Variants in ANKLE2 observed in about 807,000 individuals in gnomAD.
ANKLE2 encodes ankyrin repeat and LEM domain containing 2, also known as ankyrin repeat and LEM domain-containing protein 2.
A neutral mutation model predicts 84.2 loss-of-function variants in ANKLE2; 55 were observed. The ratio of observed to expected loss-of-function variants is 0.65; its 90% CI spans 0.53 to 0.82. The LOEUF (loss-of-function observed/expected upper bound fraction) is 0.82, where lower values mean the gene tolerates loss of function less well. Among genes scored for constraint, ANKLE2 ranks in the 40% least tolerant of loss-of-function variants. The pLI is 0.00. For missense variants in ANKLE2, 1,238 were observed against 1,201.9 expected (o/e 1.03, Z -0.44); for synonymous variants, 551 against 486.1 (o/e 1.13, Z -1.76).
intron 7 of ANKLE2, among the ~76,000 whole-genome samples, chr12:132,741,044 C>T (rs1233660809): frequency 6.6e-6 from 1 of 152,178 alleles, no homozygotes; most frequent in Middle Eastern, 3.2e-3. Flanking sequence ...GACCCTGCCT[C>T]TCCCTGAGCT....
In ANKLE2 at chr12:132,725,981, G is replaced by C. The variant is rs1219052337; in HGVS notation, c.*1261C>G. The C allele has an allele frequency of 6.6e-6, 1 of 152,078 alleles. No homozygotes were observed. Among genetic ancestry groups the C allele is most frequent in the Non-Finnish European group, 1.5e-5 (1 of 68,004 alleles). 9.4% of individuals were successfully genotyped at this position (152,078 alleles called of 1,614,324 possible). A position where few individuals can be genotyped will look rare whatever the true frequency, so the allele number is the denominator to read the frequency against. On this transcript the variant is annotated 3_prime_UTR_variant, in exon 13 of 13. Transcript: ENST00000357997. ...GAAAGAAGCCTTTTTTTAAAACAAA[G>C]TTTCAATTCAGAATTTTTACAAACA...
Position 132,729,938 on chromosome 12 carries a change from G to A in ANKLE2, c.2224C>T (p.Gln742Ter). The part of the protein sequence containing the change: ...LTVEFDKLNL[Q>*]NIGRSVSKTP... The stretch of plus-strand genomic sequence containing the variant: ...TTGGAAACGCTACGTCCTATATTTT[G>A]CAAATTCAGTTTATCAAACTCAACA... Residue 742 changes from glutamine to a stop codon, truncating the protein, a stop_gained, in exon 11 of 13, where the codon CAA becomes TAA. Transcript: ENST00000357997. LOFTEE classifies it high-confidence loss of function. 1 of 1,613,554 alleles carries A rather than the reference G, an allele frequency of 6.2e-7. No homozygotes were observed. The highest frequency in any genetic ancestry group is 8.5e-7 in the Non-Finnish European group (1 of 1,179,918).
At position 132,741,352 on chromosome 12, in the gene ANKLE2, T is replaced by C. The variant is rs2044118473; in HGVS notation, c.1420+67A>G. The C allele has an allele frequency of 2.0e-6, 3 of 1,508,006 alleles. No homozygotes were observed. The Admixed American group carries it at 5.2e-5, about 26-fold the overall frequency. The allele number at this position is 1,508,006 out of a possible 1,614,324, so 93.4% of individuals were successfully genotyped here. On this transcript the variant is annotated intron_variant, in intron 7 of 12. Coordinates refer to ENST00000357997, the MANE Select transcript of ANKLE2 (RefSeq NM_015114.3). Reference sequence around the variant, plus strand: ...CTCAGGAAAGCAAAGCTCTGCTGTGTCCCCCAACGCTCCAAGGCCCTTCCC... The same window carrying C: ...CTCAGGAAAGCAAAGCTCTGCTGTGCCCCCCAACGCTCCAAGGCCCTTCCC...
chr12:132,747,577 G>A (rs1324577950), intron 5 of ANKLE2, among the ~76,000 whole-genome samples: 1 of 152,162 alleles, frequency 6.6e-6, no homozygotes, highest in East Asian at 1.9e-4. Flanking sequence ...TCTGACAACC[G>A]TGTCCCCAGA....
At chr12:132,758,941 C>CGCTGCGG (rs2044543948) in intron 1 of ANKLE2, 1 of 67,226 alleles carries the variant, frequency 1.5e-5, no homozygotes, top group Non-Finnish European at 3.5e-5. Context: ...CAGAGTGGAT[C>CGCTGCGG]ACGCAGTGTG....
At chr12:132,749,302 C>A (rs1566031560) in intron 3 of ANKLE2, among the ~76,000 whole-genome samples, 1 of 152,062 alleles carries the variant, frequency 6.6e-6, no homozygotes, top group Non-Finnish European at 1.5e-5. Context: ...ATTACAGGCA[C>A]CTGCCACCAC....
chr12:132,746,795 G>A (rs2136154884), intron 5 of ANKLE2, among the ~76,000 whole-genome samples: 2 of 152,214 alleles, frequency 1.3e-5, no homozygotes, highest in South Asian at 4.2e-4. Flanking sequence ...GTACTGTGTG[G>A]GATTTTACAC....
At position 132,734,202 on chromosome 12, in the gene ANKLE2, G is replaced by A. The variant is rs189256296; in HGVS notation, c.1891+183C>T. ...GGAGGTTGCAGTGAGCCAAGATTGC[G>A]CCACTGCACTCCAGCTTGGGTAACA... On this transcript the variant is annotated intron_variant, in intron 10 of 12. Transcript: ENST00000357997. The A allele has an allele frequency of 6.3e-4, 417 of 664,848 alleles. 1 individual carries two copies. In the African/African-American group the frequency reaches 6.8e-3, roughly 11 times the overall value. 41.2% of individuals were successfully genotyped at this position (664,848 alleles called of 1,614,324 possible).
At chr12:132,761,317 A>C in intron 1 of ANKLE2, 1 of 257,128 alleles carries the variant, frequency 3.9e-6, no homozygotes, top group Non-Finnish European at 7.3e-6. Flanking sequence ...GACCGCAGCA[A>C]GAGTCTCCGC....
At chr12:132,732,605 GCTCT>G (rs1464578382) in intron 10 of ANKLE2, among the ~76,000 whole-genome samples, 12 of 130,594 alleles carry the variant, frequency 9.2e-5, no homozygotes, top group Non-Finnish European at 1.3e-4. Context: ...ACCGTGTGAA[GCTCT>G]CTGCGTCCTG....
rs1238525399 is a variant in ANKLE2 at position 132,759,101 on chromosome 12, C to T, written c.181+2517G>A. The stretch of plus-strand genomic sequence containing the variant: ...GCGGAGTGGCACCCCGGGGCACCCA[C>T]GTGGCAGAGTGGATCACGCAGAGTG... On this transcript the variant is annotated intron_variant, in intron 1 of 12. Transcript: ENST00000357997. The T allele has an allele frequency of 5.7e-5, 6 of 105,364 alleles. 1 individual carries two copies. Among genetic ancestry groups the T allele is most frequent in the African/African-American group, 1.8e-4 (4 of 22,246 alleles). 6.5% of individuals were successfully genotyped at this position (105,364 alleles called of 1,614,324 possible).
intron 5 of ANKLE2, among the ~76,000 whole-genome samples, chr12:132,746,197 A>T (rs1016005292): frequency 1.3e-4 from 20 of 152,088 alleles, no homozygotes; most frequent in Non-Finnish European, 2.8e-4. Context: ...AAATACAAAA[A>T]AATTAGCCAG....
At chr12:132,748,384 A>G in intron 3 of ANKLE2, 53 bp from the exon 4 acceptor site, 1 of 1,599,002 alleles carries the variant, frequency 6.3e-7, no homozygotes, top group South Asian at 1.1e-5. Context: ...AAAGTCACTC[A>G]TCACCCATGC....
At chr12:132,756,623 G>C (rs1482440800) in intron 1 of ANKLE2, 1 of 152,058 alleles carries the variant, frequency 6.6e-6, no homozygotes. Context: ...ACATGTTCGT[G>C]ATTTACATAC....
At chr12:132,744,579 C>G (rs1350658780) in intron 5 of ANKLE2, among the ~76,000 whole-genome samples, 11 of 152,164 alleles carry the variant, frequency 7.2e-5, no homozygotes, top group Admixed American at 7.2e-4. Context: ...TCACACGACC[C>G]CAAAAAGGTC....
Position 132,743,111 on chromosome 12 carries a change from AT to A in ANKLE2, c.1353+42del. 2.6e-6 allele frequency: 4 copies of A among 1,528,094 alleles called. No individual in the cohort carries two copies. The highest frequency in any genetic ancestry group is 3.5e-6 in the Non-Finnish European group (4 of 1,130,694). 94.7% of individuals were successfully genotyped at this position (1,528,094 alleles called of 1,614,324 possible). A position where few individuals can be genotyped will look rare whatever the true frequency, so the allele number is the denominator to read the frequency against. On this transcript the variant is annotated intron_variant, in intron 6 of 12. Coordinates refer to ENST00000357997, the MANE Select transcript of ANKLE2 (RefSeq NM_015114.3). The surrounding 1 kb of genome is among the most constrained non-coding windows in gnomAD (Gnocchi z 4.1). ...ACAGACTGTAAATTTATATATTTCCATTTCTAACTCTAGATAGCAACTGCAT... is the reference window on the plus strand; with the variant it reads ...ACAGACTGTAAATTTATATATTTCCATTCTAACTCTAGATAGCAACTGCAT...
chr12:132,730,659 T>C (rs749127823), intron 10 of ANKLE2: 12 of 201,346 alleles, frequency 6.0e-5, no homozygotes, highest in African/African-American at 1.6e-4. Flanking sequence ...CCGTTCTCTA[T>C]AGAAAAATTA....
Position 132,754,705 on chromosome 12 carries a change from G to A in ANKLE2, c.610C>T (p.Pro204Ser), listed in dbSNP as rs1227294070. 3 of 1,613,168 alleles carry A rather than the reference G, an allele frequency of 1.9e-6. No individual in the cohort carries two copies. Among genetic ancestry groups the A allele is most frequent in the Non-Finnish European group, 2.5e-6 (3 of 1,179,618 alleles). Residue 204 changes from proline to serine, a missense_variant, in exon 2 of 13, where the codon CCA (proline) becomes TCA (serine). Pro to Ser is a moderately conservative substitution (Grantham distance 74). This residue lies in a region of ANKLE2 where 422 missense variants were observed against 394.5 expected (regional missense o/e 1.07). Coordinates refer to ENST00000357997, the MANE Select transcript of ANKLE2 (RefSeq NM_015114.3). ...CTCGCTGGGACGTCCTCATACACTG[G>A]ACACACCCCATAGTACAGGGGCGGC... ...KEPPLYYGVC[P>S]VYEDVPARNE...
rs772333736 is a variant in ANKLE2 at position 132,750,624 on chromosome 12, G to T, written c.847+19C>A. On this transcript the variant is annotated intron_variant, in intron 3 of 12. Transcript: ENST00000357997. ...CAATGTGACAGGAACATCAAGATGT[G>T]AACGGCTGCATGATTTACCTTTCAA... The T allele has an allele frequency of 1.0e-4, 169 of 1,612,734 alleles. No individual in the cohort carries two copies. In the Admixed American group the frequency reaches 2.7e-3, roughly 26 times the overall value.
Sources: allele counts gnomAD v4.1 joint callset (sites outside exome capture counted in the v4.1 genomes callset), GRCh38; gene constraint gnomAD v4.1.1; regional missense constraint gnomAD v4.1.1; non-coding constraint Gnocchi (gnomAD v3.1); transcripts MANE v1.5; gene names NCBI Gene and HGNC (gene_info 2026-07-23, HGNC 2026-07-21).